Variants in RICTOR observed in about 807,000 individuals in gnomAD.
RICTOR encodes rapamycin-insensitive companion of mTOR.
In RICTOR, 49 loss-of-function variants were observed where a neutral mutation model predicts 214.9. The observed-to-expected ratio is 0.23, with a 90% CI of 0.18 to 0.29. RICTOR has a LOEUF of 0.29. RICTOR is among the 10% of genes least tolerant of loss of function. The pLI, the probability that RICTOR is intolerant of heterozygous loss-of-function variation, is 1.00. For missense variants in RICTOR, 1,625 were observed against 2,047.0 expected (o/e 0.79, Z 3.98); for synonymous variants, 717 against 711.3 (o/e 1.01, Z -0.13).
rs751211817 is a variant in RICTOR, at chr5:38,938,566, G to A, written c.*3738C>T. 2.6e-5 allele frequency: 6 copies of A among 232,558 alleles called. No individual in the cohort carries two copies. In the South Asian group the frequency reaches 5.4e-4, roughly 21 times the overall value. The allele number at this position is 232,558 out of a possible 1,614,324, so 14.4% of individuals were successfully genotyped here. On this transcript the variant is annotated 3_prime_UTR_variant, in exon 38 of 38. Coordinates refer to ENST00000357387, the MANE Select transcript of RICTOR (RefSeq NM_152756.5). ...TATGCATGCTGTGGTGCAGCTATCC[G>A]ATACTTACATTACAAAAATACTCCA...
chr5:39,012,154 G>C (rs767758524), intron 3 of RICTOR, among the ~76,000 whole-genome samples: 9 of 152,182 alleles, frequency 5.9e-5, no homozygotes, highest in Non-Finnish European at 7.3e-5. Flanking sequence ...TAGCGAGTAA[G>C]TTCTCATGAG....
At chr5:38,990,834 A>AGATAT (rs1752709474) in intron 7 of RICTOR, 115 bp downstream of exon 7, 8 of 142,576 alleles carry the variant, frequency 5.6e-5, no homozygotes, top group East Asian at 2.2e-4. Context: ...ATGATATATG[A>AGATAT]GATATATGAG....
rs769581318 is a variant in RICTOR at position 39,074,171 on chromosome 5, G to C, written c.50-13C>G. ...CTGTCATTCCGCCCTGCGCGAAACA[G>C]ACACACAGCCCCAATTAGGATTGGC... On this transcript the variant is annotated splice_polypyrimidine_tract_variant and intron_variant, in intron 1 of 37. Transcript: ENST00000357387. 2 of 1,590,652 alleles carry C rather than the reference G, an allele frequency of 1.3e-6. No individual in the cohort carries two copies. Among genetic ancestry groups the C allele is most frequent in the East Asian group, 2.4e-5 (1 of 41,748 alleles).
intron 7 of RICTOR, among the ~76,000 whole-genome samples, chr5:38,990,576 T>TGATATACAC (rs1752551924): frequency 7.4e-6 from 1 of 134,642 alleles, no homozygotes; most frequent in Non-Finnish European, 1.6e-5. Context: ...ACGATATATA[T>TGATATACAC]GATATATACA....
intron 31 of RICTOR, 83 bp from the exon 32 acceptor site, chr5:38,947,524 C>T (rs959482456): frequency 9.9e-7 from 1 of 1,008,778 alleles, no homozygotes; most frequent in African/African-American, 1.6e-5. Flanking sequence ...ATATTCCTAC[C>T]TTCATAAAAG....
At chr5:39,024,442 ATC>A (rs1404607884) in intron 2 of RICTOR, among the ~76,000 whole-genome samples, 1 of 152,224 alleles carries the variant, frequency 6.6e-6, no homozygotes. Context: ...TATAAATTGT[ATC>A]TGTTTGAAAA....
At chr5:39,048,694 CATA>C (rs1429509455) in intron 2 of RICTOR, among the ~76,000 whole-genome samples, 4 of 152,114 alleles carry the variant, frequency 2.6e-5, no homozygotes, top group Admixed American at 6.5e-5. Flanking sequence ...ATCTTTTTGC[CATA>C]ATGAGTTCTA....
intron 2 of RICTOR, among the ~76,000 whole-genome samples, chr5:39,028,990 C>T (rs1393919807): frequency 5.9e-5 from 9 of 152,096 alleles, no homozygotes; most frequent in African/African-American, 2.2e-4. Context: ...AGAAGCCAGA[C>T]ACAAGAGTAT....
rs553626403 is a variant in RICTOR, at chr5:39,065,565, G to A, written c.97+8546C>T. 7.9e-5 allele frequency among the ~76,000 whole-genome samples: 12 copies of A among 152,272 alleles called. No individual in the cohort carries two copies. The East Asian group carries it at 2.3e-3, about 29-fold the overall frequency. ...TCCAGCATTAACTCTGAAGTCCAAA[G>A]TCTCATCTGAAACAAGGCAAGTCCC... On this transcript the variant is annotated intron_variant, in intron 2 of 37. Transcript: ENST00000357387.
chr5:39,009,341 T>C (rs1580087766), intron 3 of RICTOR, among the ~76,000 whole-genome samples: 1 of 152,128 alleles, frequency 6.6e-6, no homozygotes, highest in African/African-American at 2.4e-5. Context: ...AGTGAAAAAG[T>C]TAAACAAAAT....
chr5:38,969,488 G>T (rs749331633), intron 11 of RICTOR, among the ~76,000 whole-genome samples: 4 of 150,778 alleles, frequency 2.7e-5, no homozygotes, highest in South Asian at 4.2e-4. Context: ...TTGAAGAAAA[G>T]AATTTTAATA....
chr5:38,945,233 A>G (rs1748060470), intron 34 of RICTOR, 165 bp from the exon 35 acceptor site: 4 of 631,290 alleles, frequency 6.3e-6, no homozygotes, highest in Admixed American at 3.1e-5. Context: ...GAAAATAACT[A>G]CAGCATGCAA....
chr5:39,015,931 T>C (rs1296827988), intron 3 of RICTOR, among the ~76,000 whole-genome samples: 1 of 152,144 alleles, frequency 6.6e-6, no homozygotes, highest in Admixed American at 6.6e-5. Context: ...TTAATCACAG[T>C]TGGGCTGCAA....
intron 6 of RICTOR, among the ~76,000 whole-genome samples, chr5:38,995,422 T>G (rs1024178529): frequency 6.6e-6 from 1 of 151,566 alleles, no homozygotes; most frequent in Admixed American, 6.6e-5. Context: ...TGGGGGGAGT[T>G]TGGGAGGAGG....
At chr5:39,051,695 G>A (rs1427019619) in intron 2 of RICTOR, among the ~76,000 whole-genome samples, 6 of 152,090 alleles carry the variant, frequency 3.9e-5, no homozygotes, top group African/African-American at 1.4e-4. Context: ...GGAGGCTGCA[G>A]TGAGCCAAGA....
intron 2 of RICTOR, among the ~76,000 whole-genome samples, chr5:39,066,091 C>G (rs1054285685): frequency 2.0e-5 from 3 of 152,260 alleles, no homozygotes; most frequent in African/African-American, 7.2e-5. Flanking sequence ...AGGGCTCCAC[C>G]CCTGCAGCAG....
chr5:38,995,115 A>C (rs1266542107), intron 6 of RICTOR, among the ~76,000 whole-genome samples: 1 of 152,190 alleles, frequency 6.6e-6, no homozygotes, highest in African/African-American at 2.4e-5. Context: ...CTCTAAAACA[A>C]TAGCCCTCTT....
intron 7 of RICTOR, among the ~76,000 whole-genome samples, chr5:38,990,629 A>AC (rs1752576457): frequency 9.0e-6 from 1 of 111,246 alleles, no homozygotes; most frequent in Non-Finnish European, 1.9e-5. Context: ...TATATGATAT[A>AC]TATATCTGAC....
At chr5:38,965,011 T>A (rs982740287) in intron 15 of RICTOR, 119 bp from the exon 16 acceptor site, 3 of 530,506 alleles carry the variant, frequency 5.7e-6, no homozygotes, top group South Asian at 6.5e-5. Flanking sequence ...GTTTTACTCA[T>A]AAAATTAACT....
Sources: gnomAD v4.1 joint callset for allele counts (sites outside exome capture counted in the v4.1 genomes callset) on GRCh38, gnomAD v4.1.1 for gene constraint, MANE v1.5 for transcripts, NCBI Gene and HGNC (gene_info 2026-07-23, HGNC 2026-07-21) for gene names.